The following SH3GL2 variants were observed in gnomAD, a reference collection of about 807,000 sequenced individuals.
The protein encoded by SH3GL2 is endophilin-A1.
A neutral mutation model predicts 46.0 loss-of-function variants in SH3GL2; 24 were observed. The observed-to-expected ratio is 0.52, with a 90% CI of 0.38 to 0.73. The LOEUF (loss-of-function observed/expected upper bound fraction) is 0.73, where lower values mean the gene tolerates loss of function less well. SH3GL2 is among the 30% of genes least tolerant of loss of function. SH3GL2 has a pLI of 0.00. For missense variants in SH3GL2, 413 were observed against 424.2 expected (o/e 0.97, Z 0.23); for synonymous variants, 196 against 147.1 (o/e 1.33, Z -2.40).
chr9:17,664,162 G>T (rs1386637745), intron 1 of SH3GL2, among the ~76,000 whole-genome samples: 2 of 152,128 alleles, frequency 1.3e-5, no homozygotes, highest in African/African-American at 2.4e-5. Flanking sequence ...GAAATAGTTG[G>T]AGTGCTATTC....
intron 1 of SH3GL2, among the ~76,000 whole-genome samples, chr9:17,739,191 G>A (rs982653716): frequency 2.0e-5 from 3 of 152,100 alleles, no homozygotes; most frequent in Non-Finnish European, 2.9e-5. Flanking sequence ...CTTAACAAAT[G>A]AGAAATCCTG....
intron 1 of SH3GL2, among the ~76,000 whole-genome samples, chr9:17,695,619 G>T (rs1253520621): frequency 1.3e-5 from 2 of 152,030 alleles, no homozygotes; most frequent in Admixed American, 6.6e-5. Context: ...GACTTTCTCT[G>T]TAAAAAGCCC....
intron 1 of SH3GL2, among the ~76,000 whole-genome samples, chr9:17,710,481 G>A (rs1821590679): frequency 6.6e-6 from 1 of 151,936 alleles, no homozygotes; most frequent in Non-Finnish European, 1.5e-5. Flanking sequence ...TTAGGAATGA[G>A]AAGCTAGAGG....
intron 1 of SH3GL2, among the ~76,000 whole-genome samples, chr9:17,698,684 C>T (rs973265120): frequency 6.6e-6 from 1 of 152,122 alleles, no homozygotes; most frequent in Admixed American, 6.5e-5. Flanking sequence ...TTAATAAATT[C>T]TCTGACTTTG....
At chr9:17,737,392 A>G (rs1049905881) in intron 1 of SH3GL2, among the ~76,000 whole-genome samples, 5 of 152,034 alleles carry the variant, frequency 3.3e-5, no homozygotes, top group African/African-American at 9.7e-5. Context: ...AAATAAATAG[A>G]ATTTATCTGA....
At chr9:17,759,303 C>A (rs561767144) in intron 2 of SH3GL2, among the ~76,000 whole-genome samples, 1 of 152,248 alleles carries the variant, frequency 6.6e-6, no homozygotes, top group African/African-American at 2.4e-5. Flanking sequence ...TGAGAAGTTT[C>A]AAAATAAAAA....
chr9:17,713,661 T>G (rs7031819), intron 1 of SH3GL2, among the ~76,000 whole-genome samples: 15,126 of 151,524 alleles, frequency 0.1, 2,477 homozygotes, highest in African/African-American at 0.34. Flanking sequence ...TAGAAGTGCA[T>G]TATTAACTTT....
intron 1 of SH3GL2, among the ~76,000 whole-genome samples, chr9:17,580,893 T>A (rs1818265601): frequency 6.6e-6 from 1 of 152,220 alleles, no homozygotes; most frequent in South Asian, 2.1e-4. Flanking sequence ...CAAAGCTTAG[T>A]GCCCTCAAAG....
intron 2 of SH3GL2, among the ~76,000 whole-genome samples, chr9:17,747,358 G>A (rs1822720536): frequency 6.6e-6 from 1 of 152,190 alleles, no homozygotes; most frequent in South Asian, 2.1e-4. Flanking sequence ...GAAGGTGAAA[G>A]GTCACGATGA....
At chr9:17,608,429 G>A (rs372451322) in intron 1 of SH3GL2, among the ~76,000 whole-genome samples, 2 of 152,104 alleles carry the variant, frequency 1.3e-5, no homozygotes, top group South Asian at 2.1e-4. Flanking sequence ...TCCTCTTAAC[G>A]GTCAAATCTT....
At chr9:17,760,312 G>A (rs1823133334) in intron 2 of SH3GL2, among the ~76,000 whole-genome samples, 1 of 152,036 alleles carries the variant, frequency 6.6e-6, no homozygotes. Flanking sequence ...TGACTGCCAT[G>A]GAATGAAAAA....
chr9:17,633,957 A>G (rs954896948), intron 1 of SH3GL2, among the ~76,000 whole-genome samples: 7 of 152,168 alleles, frequency 4.6e-5, no homozygotes, highest in Non-Finnish European at 7.3e-5. Flanking sequence ...CTGCTGTGGT[A>G]TGTTTCTTGA....
chr9:17,694,096 C>A (rs547332438), intron 1 of SH3GL2, among the ~76,000 whole-genome samples: 1 of 152,064 alleles, frequency 6.6e-6, no homozygotes, highest in African/African-American at 2.4e-5. Context: ...AGAAAAAATC[C>A]TGGTAAGGAA....
chr9:17,586,372 G>T (rs1206761722), intron 1 of SH3GL2, among the ~76,000 whole-genome samples: 1 of 151,858 alleles, frequency 6.6e-6, no homozygotes, highest in Non-Finnish European at 1.5e-5. Context: ...GCCTTTTTTT[G>T]AATTATGATA....
At chr9:17,748,671 G>A (rs150882781) in intron 2 of SH3GL2, among the ~76,000 whole-genome samples, 1 of 152,248 alleles carries the variant, frequency 6.6e-6, no homozygotes, top group African/African-American at 2.4e-5. Context: ...CCATGAACCA[G>A]GAGGTAGGAT....
At chr9:17,640,127 C>G (rs1460087336) in intron 1 of SH3GL2, among the ~76,000 whole-genome samples, 1 of 152,038 alleles carries the variant, frequency 6.6e-6, no homozygotes, top group African/African-American at 2.4e-5. Context: ...ACTTTTCTTA[C>G]AATTTATTAT....
At chr9:17,637,841 C>G (rs886345182) in intron 1 of SH3GL2, among the ~76,000 whole-genome samples, 3 of 152,188 alleles carry the variant, frequency 2.0e-5, no homozygotes, top group African/African-American at 7.2e-5. Flanking sequence ...ATTCCTCCAT[C>G]CAGCTTACCT....
At chr9:17,642,455 A>G (rs1819708412) in intron 1 of SH3GL2, among the ~76,000 whole-genome samples, 1 of 152,148 alleles carries the variant, frequency 6.6e-6, no homozygotes, top group Non-Finnish European at 1.5e-5. Flanking sequence ...GGTATTACCT[A>G]GGTTTTCTTC....
intron 1 of SH3GL2, among the ~76,000 whole-genome samples, chr9:17,593,807 T>C (rs77291433): frequency 0.022 from 3,311 of 152,246 alleles, 127 homozygotes; most frequent in African/African-American, 0.075. Context: ...AATGGTGCAA[T>C]ACCATCCGTC....
Sources: allele counts gnomAD v4.1 joint callset (sites outside exome capture counted in the v4.1 genomes callset), GRCh38; gene constraint gnomAD v4.1.1; transcripts MANE v1.5; gene names NCBI Gene and HGNC (gene_info 2026-07-23, HGNC 2026-07-21).